The following MYBBP1A variants were observed in gnomAD, a reference collection of about 807,000 sequenced individuals.
MYBBP1A encodes the protein MYB binding protein 1a, also known as myb-binding protein 1A.
In MYBBP1A, 147 loss-of-function variants were observed where a neutral mutation model predicts 136.3. The observed-to-expected ratio is 1.08, with a 90% CI of 0.94 to 1.24. The LOEUF (loss-of-function observed/expected upper bound fraction) is 1.24, where lower values mean the gene tolerates loss of function less well. MYBBP1A is among the 50% of genes most tolerant of loss of function. The pLI, the probability that MYBBP1A is intolerant of heterozygous loss-of-function variation, is 0.00. For synonymous variants in MYBBP1A, 947 were observed against 735.8 expected (o/e 1.29, Z -4.65); for missense variants, 2,060 against 1,727.4 (o/e 1.19, Z -3.41).
Position 4,543,220 on chromosome 17 carries a change from G to A in MYBBP1A, c.2640-55C>T, listed in dbSNP as rs1052120857. On this transcript the variant is annotated intron_variant, in intron 19 of 25. Coordinates refer to ENST00000254718, the MANE Select transcript of MYBBP1A (RefSeq NM_014520.4). ...GAACATTCTCGGTCCACCCTGCTCC[G>A]CCAAGCAGAGCCAACCCAAGTCCCA... 58 of 1,519,502 alleles carry A rather than the reference G, an allele frequency of 3.8e-5. No individual in the cohort carries two copies. In the African/African-American group the frequency reaches 4.4e-4, roughly 11 times the overall value. 94.1% of individuals were successfully genotyped at this position (1,519,502 alleles called of 1,614,324 possible). A position where few individuals can be genotyped will look rare whatever the true frequency, so the allele number is the denominator to read the frequency against.
chr17:4,548,321 G>C lies in MYBBP1A; in HGVS notation c.1557-11C>G, dbSNP rs1173531995. ...AGGGTCTGCAACAGACTGGGCAAGG[G>C]ATGGGGCTTGGGGTCAGCAGACCAG... On this transcript the variant is annotated splice_polypyrimidine_tract_variant and intron_variant, in intron 11 of 25. Coordinates refer to ENST00000254718, the MANE Select transcript of MYBBP1A (RefSeq NM_014520.4). This position sits in a 1 kb window ranked among gnomAD's most constrained non-coding sequence, Gnocchi z 4.2. 3.1e-6 allele frequency: 5 copies of C among 1,611,134 alleles called. No individual in the cohort carries two copies. Among genetic ancestry groups the C allele is most frequent in the Non-Finnish European group, 4.2e-6 (5 of 1,179,522 alleles).
rs1240773211 is a variant in MYBBP1A at position 4,539,157 on chromosome 17, CCCTGGACATGGCCCTGGAGCCAGGGT to C, written c.*232_*257del. ...GCACCAACCCAGGCAAACACCAGAG[CCCTGGACATGGCCCTGGAGCCAGGGT>C]CCCAGCCCAGAACCGGGGGTGGGGA... On this transcript the variant is annotated 3_prime_UTR_variant, in exon 26 of 26. Coordinates refer to ENST00000254718, the MANE Select transcript of MYBBP1A (RefSeq NM_014520.4). The C allele has an allele frequency of 1.9e-5, 28 of 1,466,630 alleles. No individual in the cohort carries two copies. In the African/African-American group the frequency reaches 3.1e-4, roughly 16 times the overall value. 90.9% of individuals were successfully genotyped at this position (1,466,630 alleles called of 1,614,324 possible).
At chr17:4,549,290 C>T (rs757135592) in intron 10 of MYBBP1A, 42 bp downstream of exon 10, 3 of 1,584,076 alleles carry the variant, frequency 1.9e-6, no homozygotes, top group Non-Finnish European at 1.7e-6. Flanking sequence ...CATTCCTTGG[C>T]CACACGCCCA....
chr17:4,546,416 C>G (rs562325941), intron 13 of MYBBP1A, among the ~76,000 whole-genome samples: 2 of 152,252 alleles, frequency 1.3e-5, no homozygotes, highest in South Asian at 4.1e-4. Context: ...TGAGCCCCCG[C>G]GCCCAGCTAG....
Position 4,548,712 on chromosome 17 carries a change from C to T in MYBBP1A, c.1431-63G>A. On this transcript the variant is annotated intron_variant, in intron 10 of 25. Transcript: ENST00000254718. The surrounding 1 kb of genome is among the most constrained non-coding windows in gnomAD (Gnocchi z 4.2). The stretch of plus-strand genomic sequence containing the variant: ...CCATTGGTTTTTACAGGCTCCCCTC[C>T]TTGGATGGTACCACCGAGGGTACAA... The T allele has an allele frequency of 1.2e-6, 2 of 1,604,892 alleles. No homozygotes were observed. The highest frequency in any genetic ancestry group is 1.7e-6 in the Non-Finnish European group (2 of 1,175,174).
chr17:4,541,566 T>C lies in MYBBP1A; in HGVS notation c.3196-2A>G, dbSNP rs779597438. 85 of 1,611,512 alleles carry C rather than the reference T, an allele frequency of 5.3e-5. No individual in the cohort carries two copies. Among genetic ancestry groups the C allele is most frequent in the Non-Finnish European group, 6.9e-5 (82 of 1,179,960 alleles). ...CGCCTCCCCCAGCACGCGCAAGTTC[T>C]AGGGAAGGGTGGCCAGGCTGAGGCA... is the stretch of plus-strand genomic sequence containing the variant. On this transcript the variant is annotated splice_acceptor_variant, in intron 23 of 25. Transcript: ENST00000254718. LOFTEE classifies it high-confidence loss of function.
intron 24 of MYBBP1A, among the ~76,000 whole-genome samples, 194 bp downstream of exon 24, chr17:4,541,269 T>TC (rs1401276724): frequency 1.3e-5 from 2 of 152,336 alleles, no homozygotes; most frequent in South Asian, 2.1e-4. Context: ...CACAGTCCCT[T>TC]CCCAAGTCAC....
At position 4,542,518 on chromosome 17, in the gene MYBBP1A, G is replaced by C. The variant is rs778450619; in HGVS notation, c.3033C>G (p.Ser1011Arg). The change falls in exon 22 of 26, where the codon AGC becomes AGG. Residue 1011 changes from serine to arginine, a missense_variant. Transcript: ENST00000254718. ...LFSRHPVLCQ[S>R]LLPILVQHIT... ...TATGCTGGACCAGGATGGGGAGCAG[G>C]CTCTGACAGAGCACCTGGTGGGGAG... 1 of 1,612,568 alleles carries C rather than the reference G, an allele frequency of 6.2e-7. No homozygotes were observed. Among genetic ancestry groups the C allele is most frequent in the Non-Finnish European group, 8.5e-7 (1 of 1,179,048 alleles).
Position 4,540,398 on chromosome 17 carries a change from G to A in MYBBP1A, c.3384C>T (p.Ser1128=). 6.2e-7 allele frequency: 1 copy of A among 1,610,326 alleles called. No homozygotes were observed. Among genetic ancestry groups the A allele is most frequent in the Non-Finnish European group, 8.5e-7 (1 of 1,179,802 alleles). Residue 1128 remains serine (S), a synonymous_variant, in exon 25 of 26, where the codon TCC becomes TCT. Transcript: ENST00000254718. Reference sequence around the variant, plus strand: ...GCCAGTAGAGGTCGTGCAGGCGGCTGGAGCCGGTGGAGTGTGCCCCCTGCT... The same window carrying A: ...GCCAGTAGAGGTCGTGCAGGCGGCTAGAGCCGGTGGAGTGTGCCCCCTGCT... ...SLQQGAHSTG[S]SRLHDLYWQA...
At position 4,548,107 on chromosome 17, in the gene MYBBP1A, C is replaced by G; in HGVS notation, c.1724+36G>C. ...GGCCCCTGCACCAGTCAGACTGCAG[C>G]GTCCTGCCCACCCCCTGGAAATCCC... is the stretch of plus-strand genomic sequence containing the variant. On this transcript the variant is annotated intron_variant, in intron 12 of 25. Coordinates refer to ENST00000254718, the MANE Select transcript of MYBBP1A (RefSeq NM_014520.4). The surrounding 1 kb of genome is among the most constrained non-coding windows in gnomAD (Gnocchi z 4.2). 6.2e-7 allele frequency: 1 copy of G among 1,602,866 alleles called. No individual in the cohort carries two copies. The highest frequency in any genetic ancestry group is 8.5e-7 in the Non-Finnish European group (1 of 1,178,676).
At chr17:4,546,663 T>A (rs570488688) in intron 13 of MYBBP1A, among the ~76,000 whole-genome samples, 1 of 152,328 alleles carries the variant, frequency 6.6e-6, no homozygotes, top group African/African-American at 2.4e-5. Flanking sequence ...TTTAATTACA[T>A]TGAACTCATC....
intron 19 of MYBBP1A, 70 bp from the exon 20 acceptor site, chr17:4,543,235 C>G: frequency 1.3e-6 from 2 of 1,497,842 alleles, no homozygotes; most frequent in South Asian, 2.6e-5. Flanking sequence ...GCAGAGCCAA[C>G]CCAAGTCCCA....
At chr17:4,543,691 T>G (rs1398881405) in intron 19 of MYBBP1A, among the ~76,000 whole-genome samples, 1 of 148,424 alleles carries the variant, frequency 6.7e-6, no homozygotes, top group Non-Finnish European at 1.5e-5. Flanking sequence ...CTCCTGACTA[T>G]CCACGCAGCG....
chr17:4,543,636 G>A (rs1231048874), intron 19 of MYBBP1A, among the ~76,000 whole-genome samples: 2 of 152,110 alleles, frequency 1.3e-5, no homozygotes, highest in South Asian at 2.1e-4. Flanking sequence ...GGCCCGGGCG[G>A]GCCTGGGTTT....
In MYBBP1A at chr17:4,548,065, G is replaced by C. The variant is rs748003545; in HGVS notation, c.1725-8C>G. ...TTCAGAGTCTGCAGCATCCTGCGGG[G>C]AGACAGGCGATTCCCAGGCCCCTGC... is the stretch of plus-strand genomic sequence containing the variant. On this transcript the variant is annotated splice_polypyrimidine_tract_variant and splice_region_variant and intron_variant, in intron 12 of 25. Transcript: ENST00000254718. The surrounding 1 kb of genome is among the most constrained non-coding windows in gnomAD (Gnocchi z 4.2). The C allele has an allele frequency of 1.9e-6, 3 of 1,585,730 alleles. No homozygotes were observed. Among genetic ancestry groups the C allele is most frequent in the Admixed American group, 3.5e-5 (2 of 57,968 alleles).
Position 4,545,302 on chromosome 17 carries a change from AC to A in MYBBP1A, c.2116del (p.Val706TrpfsTer2). Reference protein sequence around the residue: ...ETSEDENDRVVVTDDSDERRL... With the variant: ...ETSEDENDRVXVTDDSDERRL... ...CCGCTCATCAGAATCGTCCGTCACCACCACACGGTCATTCTCATCCTCACTG... is the reference window on the plus strand; with the variant it reads ...CCGCTCATCAGAATCGTCCGTCACCACACACGGTCATTCTCATCCTCACTG... On this transcript the variant is annotated frameshift_variant, in exon 16 of 26. Coordinates refer to ENST00000254718, the MANE Select transcript of MYBBP1A (RefSeq NM_014520.4). LOFTEE classifies it high-confidence loss of function. 1 of 1,609,444 alleles carries A rather than the reference AC, an allele frequency of 6.2e-7. No individual in the cohort carries two copies. The highest frequency in any genetic ancestry group is 8.5e-7 in the Non-Finnish European group (1 of 1,179,046).
intron 2 of MYBBP1A, among the ~76,000 whole-genome samples, chr17:4,554,584 G>A (rs564986205): frequency 1.1e-4 from 17 of 152,320 alleles, no homozygotes; most frequent in African/African-American, 3.6e-4. Context: ...TGCCTCTGCA[G>A]GCCTAAGGGA....
In MYBBP1A at chr17:4,549,379, G is replaced by A; in HGVS notation, c.1383C>T (p.Asp461=). ...CCTCCTCCATCTCCAGGTGCAGGCT[G>A]TCCACAATGCTCACCAATCGAAAGA... ...WIIFRLVSIV[D]SLHLEMEEAL... The change falls in exon 10 of 26, where the codon GAC becomes GAT. Residue 461 remains aspartate, a synonymous_variant. Transcript: ENST00000254718. 5 of 1,613,186 alleles carry A rather than the reference G, an allele frequency of 3.1e-6. No homozygotes were observed. Among genetic ancestry groups the A allele is most frequent in the African/African-American group, 1.3e-5 (1 of 75,066 alleles).
rs1906980839 is a variant in MYBBP1A at position 4,545,958 on chromosome 17, G to A, written c.1825-16C>T. On this transcript the variant is annotated splice_polypyrimidine_tract_variant and intron_variant, in intron 13 of 25. Transcript: ENST00000254718. ...CTGCAGGGGACTGCGGGCAGGGTAG[G>A]ACACACACTGGGGCCAGGCCCTGTC... The A allele has an allele frequency of 6.2e-7, 1 of 1,609,682 alleles. No homozygotes were observed. The highest frequency in any genetic ancestry group is 8.5e-7 in the Non-Finnish European group (1 of 1,177,670).
Sources: gnomAD v4.1 joint callset for allele counts (sites outside exome capture counted in the v4.1 genomes callset) on GRCh38, gnomAD v4.1.1 for gene constraint, Gnocchi (gnomAD v3.1) non-coding constraint, MANE v1.5 for transcripts, NCBI Gene and HGNC (gene_info 2026-07-23, HGNC 2026-07-21) for gene names.